The following GPR141 variants were observed in gnomAD, a reference collection of about 807,000 sequenced individuals.
GPR141 encodes the protein G protein-coupled receptor 141.
A neutral mutation model predicts 6.8 loss-of-function variants in GPR141; 6 were observed. That is an observed-to-expected ratio of 0.88 (90% CI 0.48 to 1.74). The LOEUF (loss-of-function observed/expected upper bound fraction) is 1.74. Ranked by LOEUF, GPR141 falls within the 40% of genes most tolerant of loss-of-function variation. The pLI is 0.01. For missense variants in GPR141, 372 were observed against 372.9 expected, an observed-to-expected ratio of 1.00 and a Z score of 0.02; for synonymous variants, 140 against 142.3, an observed-to-expected ratio of 0.98 and a Z score of 0.11.
intron 2 of GPR141, among the ~76,000 whole-genome samples, chr7:37,705,929 C>T (rs898180725): frequency 5.3e-5 from 8 of 152,090 alleles, no homozygotes; most frequent in Admixed American, 3.3e-4. Flanking sequence ...TCAGAGGCTG[C>T]GACAGCACTG....
intron 2 of GPR141, among the ~76,000 whole-genome samples, chr7:37,733,684 A>AG (rs1812095106): frequency 1.3e-5 from 2 of 150,984 alleles, no homozygotes; most frequent in African/African-American, 4.9e-5. Flanking sequence ...AAAAAAAAAA[A>AG]AAAAGAAAAA....
intron 2 of GPR141, among the ~76,000 whole-genome samples, 162 bp from the exon 3 acceptor site, chr7:37,740,218 G>T (rs1278139835): frequency 2.6e-5 from 4 of 152,142 alleles, no homozygotes; most frequent in African/African-American, 9.7e-5. Flanking sequence ...TTTAGGTCTA[G>T]GGTATGCAAA....
intron 2 of GPR141, among the ~76,000 whole-genome samples, chr7:37,695,109 G>A (rs149679904): frequency 9.2e-5 from 14 of 152,302 alleles, no homozygotes; most frequent in African/African-American, 2.6e-4. Flanking sequence ...CTCCAGGCAA[G>A]GGGGCAGATG....
chr7:37,743,536 A>G lies in GPR141; in HGVS notation c.*2225A>G, dbSNP rs914377897. ...CCTGATAGTTTTAAGAAAATTTATA[A>G]TACCTATAAATATGTAAAAAAAATT... On this transcript the variant is annotated 3_prime_UTR_variant, in exon 3 of 3. Coordinates refer to ENST00000334425, the MANE Select transcript of GPR141 (RefSeq NM_001381946.1). Among the ~76,000 whole-genome samples, 1 of 132,490 alleles carries G rather than the reference A, an allele frequency of 7.5e-6. No individual in the cohort carries two copies. Among genetic ancestry groups the G allele is most frequent in the East Asian group, 2.1e-4 (1 of 4,684 alleles). The allele number at this position is 132,490 out of a possible 152,430, so 86.9% of individuals were successfully genotyped here. A position where few individuals can be genotyped will look rare whatever the true frequency, so the allele number is the denominator to read the frequency against.
chr7:37,711,363 T>G (rs1362848526), intron 2 of GPR141, among the ~76,000 whole-genome samples: 1 of 152,192 alleles, frequency 6.6e-6, no homozygotes, highest in Non-Finnish European at 1.5e-5. Context: ...CGGGAGCATC[T>G]TCTTGGCTAC....
At chr7:37,690,460 G>A (rs896807756) in intron 2 of GPR141, among the ~76,000 whole-genome samples, 1 of 152,108 alleles carries the variant, frequency 6.6e-6, no homozygotes, top group Non-Finnish European at 1.5e-5. Context: ...GCCTGCTCTT[G>A]CTTTGCCTTC....
rs115978812 is a variant in GPR141 at position 37,713,765 on chromosome 7, C to T, written c.-14-26615C>T. On this transcript the variant is annotated intron_variant, in intron 2 of 2. Coordinates refer to ENST00000334425, the MANE Select transcript of GPR141 (RefSeq NM_001381946.1). ...CAGTTATATATTTACGTGACTGAGACGTTATTTCTCTCCTGTGTAATTTTA... is the reference window on the plus strand; with the variant it reads ...CAGTTATATATTTACGTGACTGAGATGTTATTTCTCTCCTGTGTAATTTTA... 4.5e-3 allele frequency among the ~76,000 whole-genome samples: 682 copies of T among 152,254 alleles called. 5 individuals carry two copies. Among genetic ancestry groups the T allele is most frequent in the African/African-American group, 0.015 (636 of 41,526 alleles).
chr7:37,715,882 C>T (rs1480117566), intron 2 of GPR141, among the ~76,000 whole-genome samples: 1 of 152,188 alleles, frequency 6.6e-6, no homozygotes, highest in Non-Finnish European at 1.5e-5. Flanking sequence ...GCCTTTGACA[C>T]CCTTCCTGAA....
At chr7:37,719,725 A>G (rs1487558147) in intron 2 of GPR141, among the ~76,000 whole-genome samples, 1 of 152,230 alleles carries the variant, frequency 6.6e-6, no homozygotes, top group Non-Finnish European at 1.5e-5. Context: ...GGGGGCTGAG[A>G]ATTAGGTGAG....
intron 2 of GPR141, among the ~76,000 whole-genome samples, chr7:37,694,766 A>G (rs1046651857): frequency 9.2e-5 from 14 of 152,168 alleles, no homozygotes; most frequent in African/African-American, 3.1e-4. Flanking sequence ...TTCACTTATT[A>G]CCATGAGGAG....
At chr7:37,705,800 T>C (rs1810498493) in intron 2 of GPR141, among the ~76,000 whole-genome samples, 1 of 152,200 alleles carries the variant, frequency 6.6e-6, no homozygotes, top group South Asian at 2.1e-4. Flanking sequence ...GTCACTATTT[T>C]GCAAAAGCTT....
intron 2 of GPR141, among the ~76,000 whole-genome samples, chr7:37,728,419 G>T (rs567537865): frequency 6.5e-4 from 99 of 152,208 alleles, no homozygotes; most frequent in African/African-American, 1.8e-3. Flanking sequence ...TTAAAATGGT[G>T]CAGGGAGGGG....
At chr7:37,708,327 A>AAAAC (rs1554341188) in intron 2 of GPR141, among the ~76,000 whole-genome samples, 2 of 151,434 alleles carry the variant, frequency 1.3e-5, no homozygotes, top group Admixed American at 6.6e-5. Flanking sequence ...AAAAAAAAAA[A>AAAAC]AAAAAAAACG....
At chr7:37,695,243 A>T (rs1413314917) in intron 2 of GPR141, among the ~76,000 whole-genome samples, 1 of 152,158 alleles carries the variant, frequency 6.6e-6, no homozygotes, top group Non-Finnish European at 1.5e-5. Flanking sequence ...GCTTAACTTC[A>T]GGGATGAAGA....
At chr7:37,717,649 C>A (rs1811110930) in intron 2 of GPR141, among the ~76,000 whole-genome samples, 1 of 152,254 alleles carries the variant, frequency 6.6e-6, no homozygotes. Context: ...CTGCATGAAG[C>A]CTTCTCAGAT....
chr7:37,733,671 CAAA>C (rs55943222), intron 2 of GPR141, among the ~76,000 whole-genome samples: 1,119 of 101,248 alleles, frequency 0.011, 15 homozygotes, highest in African/African-American at 0.038. Flanking sequence ...AACTCCATCT[CAAA>C]AAAAAAAAAA....
intron 2 of GPR141, among the ~76,000 whole-genome samples, chr7:37,719,664 C>A (rs959883426): frequency 6.6e-6 from 1 of 152,058 alleles, no homozygotes; most frequent in African/African-American, 2.4e-5. Flanking sequence ...TTCGCCTTGG[C>A]CATATTTAGA....
chr7:37,698,461 G>A (rs1321860549), intron 2 of GPR141, among the ~76,000 whole-genome samples: 1 of 152,170 alleles, frequency 6.6e-6, no homozygotes, highest in African/African-American at 2.4e-5. Flanking sequence ...ACTCATTGCG[G>A]GGAGGGGAAA....
At chr7:37,698,659 G>C (rs915022127) in intron 2 of GPR141, among the ~76,000 whole-genome samples, 5 of 152,230 alleles carry the variant, frequency 3.3e-5, no homozygotes, top group African/African-American at 1.2e-4. Flanking sequence ...GGGGGTATTT[G>C]GTATTTTATG....
Sources: gnomAD v4.1 joint callset for allele counts (sites outside exome capture counted in the v4.1 genomes callset) on GRCh38, gnomAD v4.1.1 for gene constraint, MANE v1.5 for transcripts, NCBI Gene and HGNC (gene_info 2026-07-23, HGNC 2026-07-21) for gene names.